The following SLC9A4 variants were observed in gnomAD, a reference collection of about 807,000 sequenced individuals.
SLC9A4 encodes solute carrier family 9 member A4, also known as sodium/hydrogen exchanger 4.
A neutral mutation model predicts 67.4 loss-of-function variants in SLC9A4; 63 were observed. That is an observed-to-expected ratio of 0.93 (90% CI 0.76 to 1.15). The LOEUF (loss-of-function observed/expected upper bound fraction) is 1.15, where lower values mean the gene tolerates loss of function less well. Ranked by LOEUF, SLC9A4 falls within the 50% of genes most tolerant of loss-of-function variation. SLC9A4 has a pLI of 0.00. For missense variants in SLC9A4, 1,089 were observed against 987.7 expected, an observed-to-expected ratio of 1.10 and a Z score of -1.38; for synonymous variants, 393 against 367.2, an observed-to-expected ratio of 1.07 and a Z score of -0.80.
chr2:102,484,787 C>T (rs1232938526), intron 2 of SLC9A4, among the ~76,000 whole-genome samples: 1 of 152,154 alleles, frequency 6.6e-6, no homozygotes, highest in Non-Finnish European at 1.5e-5. Context: ...GTCAAAGGCC[C>T]AGACAGGCCA....
rs1674804298 is a variant in SLC9A4, at chr2:102,532,677, C to A, written c.2386C>A (p.Gln796Lys). Residue 796 changes from glutamine (Q) to lysine (K), a missense_variant, in exon 12 of 12, where the codon CAA becomes AAA. Gln to Lys is a moderately conservative substitution (Grantham distance 53). Coordinates refer to ENST00000295269, the MANE Select transcript of SLC9A4 (RefSeq NM_001011552.4). Reference protein sequence around the residue: ...DHHRSHSPLLQKK With the variant: ...DHHRSHSPLLKKK Reference sequence around the variant, plus strand: ...TCACAGGTCCCATAGTCCTTTGCTCCAAAAAAAATAGTGTTATTGTCCACA... The same window carrying A: ...TCACAGGTCCCATAGTCCTTTGCTCAAAAAAAAATAGTGTTATTGTCCACA... 5.0e-6 allele frequency: 8 copies of A among 1,587,304 alleles called. No homozygotes were observed. In the Admixed American group the frequency reaches 8.6e-5, roughly 17 times the overall value.
chr2:102,523,378 A>G (rs975784118), intron 9 of SLC9A4, among the ~76,000 whole-genome samples: 3 of 152,184 alleles, frequency 2.0e-5, no homozygotes, highest in Admixed American at 2.0e-4. Context: ...AACTGGATGC[A>G]CATATACTGA....
In SLC9A4 at chr2:102,478,779, C is replaced by T. The variant is rs916639914; in HGVS notation, c.257-60C>T. The T allele has an allele frequency of 2.2e-5, 34 of 1,528,520 alleles. 1 individual carries two copies. In the South Asian group the frequency reaches 3.9e-4, roughly 18 times the overall value. The allele number at this position is 1,528,520 out of a possible 1,614,324, so 94.7% of individuals were successfully genotyped here. A position where few individuals can be genotyped will look rare whatever the true frequency, so the allele number is the denominator to read the frequency against. ...TCCTGTCTGCTTGACTTTAAAAGACCTCAGGTACACCCAGACCGTTTCGTT... is the reference window on the plus strand; with the variant it reads ...TCCTGTCTGCTTGACTTTAAAAGACTTCAGGTACACCCAGACCGTTTCGTT... On this transcript the variant is annotated intron_variant, in intron 1 of 11. Transcript: ENST00000295269.
intron 11 of SLC9A4, among the ~76,000 whole-genome samples, chr2:102,530,756 G>T (rs1209367693): frequency 6.6e-6 from 1 of 152,118 alleles, no homozygotes; most frequent in Non-Finnish European, 1.5e-5. Flanking sequence ...TGTTAAAGGA[G>T]AGTCAGGGAA....
At position 102,479,139 on chromosome 2, in the gene SLC9A4, T is replaced by C. The variant is rs1684399711; in HGVS notation, c.557T>C (p.Phe186Ser). The change falls in exon 2 of 12, where the codon TTT (phenylalanine) becomes TCT (serine). Residue 186 changes from phenylalanine to serine, a missense_variant. Coordinates refer to ENST00000295269, the MANE Select transcript of SLC9A4 (RefSeq NM_001011552.4). ...SLYLICQVKA[F>S]GLGDVNLLQN... Reference sequence around the variant, plus strand: ...TACCTCATCTGCCAGGTGAAGGCCTTTGGCCTGGGCGACGTCAACCTGCTG... The same window carrying C: ...TACCTCATCTGCCAGGTGAAGGCCTCTGGCCTGGGCGACGTCAACCTGCTG... 6.2e-7 allele frequency: 1 copy of C among 1,614,046 alleles called. No individual in the cohort carries two copies. The highest frequency in any genetic ancestry group is 1.7e-5 in the Admixed American group (1 of 60,004).
chr2:102,531,426 AT>A (rs1246560923), intron 11 of SLC9A4, among the ~76,000 whole-genome samples: 6 of 152,182 alleles, frequency 3.9e-5, no homozygotes, highest in African/African-American at 1.4e-4. Flanking sequence ...AAGAGGGGAC[AT>A]TGCATAGACA....
chr2:102,489,389 G>T (rs1014587382), intron 2 of SLC9A4, among the ~76,000 whole-genome samples: 1 of 152,182 alleles, frequency 6.6e-6, no homozygotes, highest in African/African-American at 2.4e-5. Context: ...GGTAGTTATA[G>T]AAATGAAAAT....
At chr2:102,510,361 G>A (rs964344398) in intron 6 of SLC9A4, among the ~76,000 whole-genome samples, 3 of 152,070 alleles carry the variant, frequency 2.0e-5, no homozygotes, top group African/African-American at 7.2e-5. Context: ...GGGCTGGCTA[G>A]GAAAGCCCAA....
chr2:102,484,039 C>CA (rs1421190298), intron 2 of SLC9A4, among the ~76,000 whole-genome samples: 2 of 151,560 alleles, frequency 1.3e-5, no homozygotes, highest in Non-Finnish European at 2.9e-5. Flanking sequence ...ATCTCATGGC[C>CA]AAAATCACAG....
intron 4 of SLC9A4, among the ~76,000 whole-genome samples, chr2:102,507,607 GAGACC>G (rs1441983074): frequency 6.6e-6 from 1 of 152,002 alleles, no homozygotes; most frequent in East Asian, 1.9e-4. Flanking sequence ...TTTGATTGTA[GAGACC>G]ACGGTCTCTA....
intron 11 of SLC9A4, among the ~76,000 whole-genome samples, chr2:102,531,708 G>C (rs1674782157): frequency 6.6e-6 from 1 of 152,170 alleles, no homozygotes; most frequent in African/African-American, 2.4e-5. Flanking sequence ...TTAGCACAGT[G>C]ACAGGCATAT....
At chr2:102,506,009 GT>G (rs1220845836) in intron 4 of SLC9A4, among the ~76,000 whole-genome samples, 2 of 152,180 alleles carry the variant, frequency 1.3e-5, no homozygotes, top group Non-Finnish European at 2.9e-5. Flanking sequence ...AGTATAGGTG[GT>G]TTCATTTGAG....
rs562401734 is a variant in SLC9A4, at chr2:102,503,541, G to T, written c.814G>T (p.Val272Phe). ...TTTGGCTGGATGTGCCCGATTCATC[G>T]TTGTGGGGCTTGGAGGGGTATTGTT... The part of the protein sequence containing the change: ...DILAGCARFI[V>F]VGLGGVLFGI... The change falls in exon 3 of 12, where the codon GTT (valine) becomes TTT (phenylalanine). Residue 272 changes from valine (V) to phenylalanine (F), a missense_variant. Physicochemically the swap from Val to Phe is conservative, Grantham distance 50. Transcript: ENST00000295269. 2 of 1,614,108 alleles carry T rather than the reference G, an allele frequency of 1.2e-6. No homozygotes were observed. The highest frequency in any genetic ancestry group is 1.7e-6 in the Non-Finnish European group (2 of 1,180,018).
intron 6 of SLC9A4, 78 bp downstream of exon 6, chr2:102,509,011 AC>A: frequency 8.5e-7 from 1 of 1,172,488 alleles, no homozygotes; most frequent in Non-Finnish European, 1.2e-6. Flanking sequence ...TGCACGTGTC[AC>A]TAGACTTCCT....
intron 2 of SLC9A4, among the ~76,000 whole-genome samples, chr2:102,498,961 G>A (rs1195047591): frequency 6.6e-6 from 1 of 152,188 alleles, no homozygotes; most frequent in Non-Finnish European, 1.5e-5. Context: ...GGGAAAATGG[G>A]GAAGAAGCCC....
intron 6 of SLC9A4, among the ~76,000 whole-genome samples, chr2:102,509,298 A>G (rs1385272275): frequency 6.6e-6 from 1 of 152,102 alleles, no homozygotes; most frequent in African/African-American, 2.4e-5. Context: ...CATCCCTCCA[A>G]CAATGATCCT....
chr2:102,504,924 AGT>A (rs1339438708), intron 3 of SLC9A4, among the ~76,000 whole-genome samples: 1 of 128,028 alleles, frequency 7.8e-6, no homozygotes, highest in Non-Finnish European at 1.7e-5. Flanking sequence ...TAACGCAGAG[AGT>A]GTGAGTTGGG....
chr2:102,528,405 T>TTTC (rs1491271780), intron 11 of SLC9A4, among the ~76,000 whole-genome samples: 1 of 18,826 alleles, frequency 5.3e-5, no homozygotes, highest in Non-Finnish European at 1.2e-4. Flanking sequence ...CAGTTCTTTC[T>TTTC]TTTTTTTTTT....
At chr2:102,479,822 G>A (rs1168649602) in intron 2 of SLC9A4, among the ~76,000 whole-genome samples, 8 of 152,152 alleles carry the variant, frequency 5.3e-5, no homozygotes, top group Non-Finnish European at 7.3e-5. Context: ...TTAGTTGCAG[G>A]ACTTGTATGG....
Sources: gnomAD v4.1 joint callset for allele counts (sites outside exome capture counted in the v4.1 genomes callset) on GRCh38, gnomAD v4.1.1 for gene constraint, MANE v1.5 for transcripts, NCBI Gene and HGNC (gene_info 2026-07-23, HGNC 2026-07-21) for gene names.